TBATA: variants seen among roughly 807,000 people sequenced by gnomAD.
The protein encoded by TBATA is thymus, brain and testes associated, also known as protein TBATA.
In TBATA, 47 loss-of-function variants were observed where a neutral mutation model predicts 38.7. The observed-to-expected ratio is 1.21, with a 90% CI of 0.96 to 1.55. The LOEUF is 1.55. Ranked by LOEUF, TBATA falls within the 40% of genes most tolerant of loss-of-function variation. TBATA has a pLI of 0.00. For missense variants in TBATA, 436 were observed against 435.6 expected (o/e 1.00, Z -0.01); for synonymous variants, 183 against 170.5 (o/e 1.07, Z -0.57).
Position 70,776,828 on chromosome 10 carries a change from G to A in TBATA, c.693+325C>T, listed in dbSNP as rs544006876. ...TGTGGGGTGCGGCCTGCTGTGATGG[G>A]CAGGACCTCCTTCTTCAACCCACCA... On this transcript the variant is annotated intron_variant, in intron 7 of 10. Coordinates refer to ENST00000456372, the MANE Select transcript of TBATA (RefSeq NM_001318241.2). Among the ~76,000 whole-genome samples, 46 of 152,284 alleles carry A rather than the reference G, an allele frequency of 3.0e-4. No homozygotes were observed. In the South Asian group the frequency reaches 4.3e-3, roughly 14 times the overall value.
At chr10:70,772,239 T>C (rs1842862398) in intron 10 of TBATA, 1 of 637,704 alleles carries the variant, frequency 1.6e-6, no homozygotes, top group Admixed American at 2.1e-5. Flanking sequence ...CCCAGGTGTT[T>C]TAATTTGTTG....
chr10:70,771,531 G>A (rs1346976546), intron 10 of TBATA, 70 bp from the exon 11 acceptor site: 3 of 1,442,630 alleles, frequency 2.1e-6, no homozygotes, highest in African/African-American at 2.8e-5. Flanking sequence ...AGCTGCAGGT[G>A]GATGTGTGAG....
intron 4 of TBATA, 160 bp from the exon 5 acceptor site, chr10:70,779,902 A>G: frequency 1.4e-6 from 1 of 738,986 alleles, no homozygotes; most frequent in East Asian, 3.3e-5. Flanking sequence ...GTAACCACCT[A>G]GACCAGCGAC....
At position 70,783,404 on chromosome 10, in the gene TBATA, G is replaced by A; in HGVS notation, c.-25C>T. ...TTGTATGCTTTTTAACAGACTAAAGGCCAGTGCACTTAATACTAGCGTTGA... is the reference window on the plus strand; with the variant it reads ...TTGTATGCTTTTTAACAGACTAAAGACCAGTGCACTTAATACTAGCGTTGA... On this transcript the variant is annotated 5_prime_UTR_variant, in exon 3 of 11. Transcript: ENST00000456372. The A allele has an allele frequency of 6.2e-7, 1 of 1,613,806 alleles. No individual in the cohort carries two copies. The highest frequency in any genetic ancestry group is 1.1e-5 in the South Asian group (1 of 91,060).
intron 5 of TBATA, chr10:70,778,842 G>A: frequency 1.5e-6 from 1 of 658,592 alleles, no homozygotes; most frequent in Non-Finnish European, 2.8e-6. Flanking sequence ...GGGGTGCGGG[G>A]GTGGGGCATT....
chr10:70,778,390 C>T (rs1843694248), intron 6 of TBATA, 167 bp downstream of exon 6: 1 of 723,344 alleles, frequency 1.4e-6, no homozygotes, highest in African/African-American at 1.7e-5. Context: ...TGGATTTCTC[C>T]ACCTAGGTGT....
At chr10:70,774,394 C>G in intron 8 of TBATA, 37 bp from the exon 9 acceptor site, 1 of 1,547,218 alleles carries the variant, frequency 6.5e-7, no homozygotes. Flanking sequence ...CCTCAGCCCC[C>G]AGCCCCCTTC....
chr10:70,783,239 G>A lies in TBATA; in HGVS notation c.41+100C>T, dbSNP rs1844478996. On this transcript the variant is annotated intron_variant, in intron 3 of 10. Coordinates refer to ENST00000456372, the MANE Select transcript of TBATA (RefSeq NM_001318241.2). Reference sequence around the variant, plus strand: ...AGTCCAGTAAGAACCACCTCTCTTGGACTCCTAATCTGTTGAGATCCCCCA... The same window carrying A: ...AGTCCAGTAAGAACCACCTCTCTTGAACTCCTAATCTGTTGAGATCCCCCA... 6.7e-5 allele frequency: 91 copies of A among 1,368,282 alleles called. 1 individual carries two copies. In the South Asian group the frequency reaches 1.0e-3, roughly 15 times the overall value. 84.8% of individuals were successfully genotyped at this position (1,368,282 alleles called of 1,614,324 possible). A position where few individuals can be genotyped will look rare whatever the true frequency, so the allele number is the denominator to read the frequency against.
Position 70,782,613 on chromosome 10 carries a change from G to C in TBATA, c.42-577C>G, listed in dbSNP as rs1028234065. 1.1e-5 allele frequency: 11 copies of C among 985,460 alleles called. No homozygotes were observed. The African/African-American group carries it at 1.9e-4, about 17-fold the overall frequency. The allele number at this position is 985,460 out of a possible 1,614,324, so 61.0% of individuals were successfully genotyped here. A position where few individuals can be genotyped will look rare whatever the true frequency, so the allele number is the denominator to read the frequency against. On this transcript the variant is annotated intron_variant, in intron 3 of 10. Coordinates refer to ENST00000456372, the MANE Select transcript of TBATA (RefSeq NM_001318241.2). ...CCCTCCTAGGAGAGGAAGAGCTGACGCAGCAGCTACTGGGGCTGTGGCGCT... is the reference window on the plus strand; with the variant it reads ...CCCTCCTAGGAGAGGAAGAGCTGACCCAGCAGCTACTGGGGCTGTGGCGCT...
chr10:70,777,306 C>A lies in TBATA; in HGVS notation c.540G>T (p.Glu180Asp). The change falls in exon 7 of 11, where the codon GAG (glutamate) becomes GAT (aspartate). Residue 180 changes from glutamate to aspartate, a missense_variant. By Grantham distance (45) the Glu-to-Asp change is conservative. Coordinates refer to ENST00000456372, the MANE Select transcript of TBATA (RefSeq NM_001318241.2). ...QKEQKEEPLR[E>D]QGAKYSAETG... ...TCTCTGCTGAGTACTTTGCCCCCTG[C>A]TCCCGCAGAGGCTCCTCCTTCTGCT... 6.2e-7 allele frequency: 1 copy of A among 1,613,616 alleles called. No individual in the cohort carries two copies. The highest frequency in any genetic ancestry group is 8.5e-7 in the Non-Finnish European group (1 of 1,179,868).
At chr10:70,783,166 A>G (rs1844470305) in intron 3 of TBATA, among the ~76,000 whole-genome samples, 173 bp downstream of exon 3, 2 of 152,178 alleles carry the variant, frequency 1.3e-5, no homozygotes, top group Non-Finnish European at 2.9e-5. Flanking sequence ...TACCTGGGCT[A>G]ACTTGAGCCT....
rs751464688 is a variant in TBATA at position 70,771,360 on chromosome 10, C to T, written c.*16G>A. On this transcript the variant is annotated 3_prime_UTR_variant, in exon 11 of 11. Transcript: ENST00000456372. ...GGGCTGCTCTTGAGCAAGGCAGGTG[C>T]AAGTGTTAGGGCCCCTCAGCTCTCT... 1.2e-6 allele frequency: 2 copies of T among 1,614,208 alleles called. No individual in the cohort carries two copies. The highest frequency in any genetic ancestry group is 1.1e-5 in the South Asian group (1 of 91,086).
intron 4 of TBATA, among the ~76,000 whole-genome samples, chr10:70,780,083 G>A (rs1843977023): frequency 6.6e-6 from 1 of 152,210 alleles, no homozygotes; most frequent in Non-Finnish European, 1.5e-5. Context: ...GTACAAACGG[G>A]TAGGCAGGCA....
intron 6 of TBATA, 57 bp from the exon 7 acceptor site, chr10:70,777,395 T>C (rs2461882): frequency 0.09 from 137,604 of 1,533,760 alleles, 7,545 homozygotes; most frequent in African/African-American, 0.24. Flanking sequence ...GGAAGAGGGC[T>C]GAGGGGAGGA....
chr10:70,771,391 C>A lies in TBATA; in HGVS notation c.1044G>T (p.Pro348=), dbSNP rs145511092. ...TTAGGGCCCCTCAGCTCTCTGCCCT[C>A]GGCTTCGATGTCTTCTTCTCTGTGT... ...SQNTEKKTSK[P]RAES Residue 348 remains proline, a synonymous_variant, in exon 11 of 11, where the codon CCG becomes CCT. Transcript: ENST00000456372. 3 of 1,614,190 alleles carry A rather than the reference C, an allele frequency of 1.9e-6. No homozygotes were observed. The East Asian group carries it at 6.7e-5, about 36-fold the overall frequency.
At position 70,773,471 on chromosome 10, in the gene TBATA, C is replaced by CA. The variant is rs1554826534; in HGVS notation, c.920+741_920+742insT. On this transcript the variant is annotated intron_variant, in intron 9 of 10. Coordinates refer to ENST00000456372, the MANE Select transcript of TBATA (RefSeq NM_001318241.2). ...GTGACTGTTAAAAATACAGGCCCCC[C>CA]CGGCTTCACCCCGGCCTGCTATGTT... Among the ~76,000 whole-genome samples the CA allele has an allele frequency of 1.3e-4, 19 of 151,512 alleles. No individual in the cohort carries two copies. The South Asian group carries it at 1.5e-3, about 12-fold the overall frequency.
Position 70,772,507 on chromosome 10 carries a change from A to C in TBATA, c.973+7T>G. ...TCCCCCAAATGACCCACTACTTGGA[A>C]TCTTACCTGGTTTTTCGCTTTTTGT... On this transcript the variant is annotated splice_region_variant and intron_variant, in intron 10 of 10. Coordinates refer to ENST00000456372, the MANE Select transcript of TBATA (RefSeq NM_001318241.2). The C allele has an allele frequency of 6.2e-7, 1 of 1,614,110 alleles. No individual in the cohort carries two copies. Among genetic ancestry groups the C allele is most frequent in the Non-Finnish European group, 8.5e-7 (1 of 1,179,936 alleles).
In TBATA at chr10:70,783,500, G is replaced by T; in HGVS notation, c.-121C>A. On this transcript the variant is annotated 5_prime_UTR_variant, in exon 3 of 11. Transcript: ENST00000456372. ...AGAACAGGAACTCTCACGAACTGGT[G>T]GTGGAAGTGTAAACGGGAACAGGCA... The T allele has an allele frequency of 8.4e-7, 1 of 1,185,816 alleles. No homozygotes were observed. Among genetic ancestry groups the T allele is most frequent in the Non-Finnish European group, 1.2e-6 (1 of 810,136 alleles). 73.5% of individuals were successfully genotyped at this position (1,185,816 alleles called of 1,614,324 possible).
chr10:70,771,278 T>C lies in TBATA; in HGVS notation c.*98A>G, dbSNP rs749085982. The C allele has an allele frequency of 1.9e-6, 3 of 1,609,976 alleles. No homozygotes were observed. Among genetic ancestry groups the C allele is most frequent in the Non-Finnish European group, 2.5e-6 (3 of 1,177,332 alleles). ...TTTTATTTAGTAAGAGTTTTCACGG[T>C]AGGGAATCAGGTACTGCTGTGAAGG... On this transcript the variant is annotated 3_prime_UTR_variant, in exon 11 of 11. Transcript: ENST00000456372.
Sources: gnomAD v4.1 joint callset for allele counts (sites outside exome capture counted in the v4.1 genomes callset) on GRCh38, gnomAD v4.1.1 for gene constraint, MANE v1.5 for transcripts, NCBI Gene and HGNC (gene_info 2026-07-23, HGNC 2026-07-21) for gene names.